The following NLGN4X variants were observed in gnomAD, a reference collection of about 807,000 sequenced individuals.
NLGN4X encodes neuroligin-4, X-linked.
NLGN4X carries 3 observed loss-of-function variants against 40.3 expected under a neutral mutation model. The observed-to-expected ratio is 0.07, with a 90% CI of 0.03 to 0.19. NLGN4X has a LOEUF of 0.19. Ranked by LOEUF, NLGN4X falls within the 10% of genes least tolerant of loss-of-function variation. NLGN4X has a pLI of 1.00. For missense variants in NLGN4X, 382 were observed against 708.3 expected (o/e 0.54, Z 5.23); for synonymous variants, 270 against 306.8 (o/e 0.88, Z 1.25).
At chrX:6,175,901 C>T (rs1013186220) in intron 1 of NLGN4X, among the ~76,000 whole-genome samples, 1 of 110,683 alleles carries the variant, frequency 9.0e-6, no homozygotes, top group Non-Finnish European at 1.9e-5. Context: ...GGTAGATCTT[C>T]ATTCCAAAGG....
intron 3 of NLGN4X, among the ~76,000 whole-genome samples, chrX:6,004,939 G>T (rs1455351600): frequency 5.4e-5 from 6 of 111,416 alleles, no homozygotes; most frequent in African/African-American, 1.6e-4. Context: ...CAAGATGAAG[G>T]ATCAAGATGC....
intron 2 of NLGN4X, among the ~76,000 whole-genome samples, chrX:6,061,089 T>G (rs988889316): frequency 1.8e-5 from 2 of 111,684 alleles, no homozygotes; most frequent in Non-Finnish European, 3.8e-5. Context: ...AGCGAAAACC[T>G]TAAGAGCTAT....
chrX:5,896,908 G>A (rs1263397986), intron 5 of NLGN4X, among the ~76,000 whole-genome samples: 2 of 111,688 alleles, frequency 1.8e-5, no homozygotes, highest in African/African-American at 6.5e-5. Flanking sequence ...CCAGAATTAC[G>A]CTGCAACTCT....
chrX:6,005,850 G>A (rs2036090383), intron 3 of NLGN4X, among the ~76,000 whole-genome samples: 1 of 111,079 alleles, frequency 9.0e-6, no homozygotes, highest in Non-Finnish European at 1.9e-5. Context: ...TTTGTTCTAA[G>A]CCACTGTATG....
chrX:6,183,206 TC>T (rs1248528029), intron 1 of NLGN4X, among the ~76,000 whole-genome samples: 2 of 112,368 alleles, frequency 1.8e-5, no homozygotes, highest in African/African-American at 6.5e-5. Flanking sequence ...AAAACCCAAA[TC>T]ATTTTGAAAT....
chrX:5,917,061 A>G (rs2032834640), intron 3 of NLGN4X, among the ~76,000 whole-genome samples: 1 of 112,514 alleles, frequency 8.9e-6, no homozygotes, highest in Non-Finnish European at 1.9e-5. Context: ...TATTTCCAGA[A>G]TATGCCTTGC....
intron 1 of NLGN4X, among the ~76,000 whole-genome samples, chrX:6,178,833 G>A (rs1014981077): frequency 5.4e-5 from 6 of 111,191 alleles, no homozygotes; most frequent in African/African-American, 2.0e-4. Context: ...GCTGGGCGTG[G>A]CGGCTTATGC....
chrX:6,167,925 C>A lies in NLGN4X; in HGVS notation c.-305-16154G>T, dbSNP rs750066352. On this transcript the variant is annotated intron_variant, in intron 1 of 5. Coordinates refer to ENST00000381095, the MANE Select transcript of NLGN4X (RefSeq NM_181332.3). Reference sequence around the variant, plus strand: ...CCCCACTGTTTTTCTTAAATATGTCCGTGGGAAGATTTCCTTCTCCCTATC... The same window carrying A: ...CCCCACTGTTTTTCTTAAATATGTCAGTGGGAAGATTTCCTTCTCCCTATC... 3.6e-5 allele frequency among the ~76,000 whole-genome samples: 4 copies of A among 111,671 alleles called. No individual in the cohort carries two copies. The East Asian group carries it at 1.1e-3, about 31-fold the overall frequency.
intron 3 of NLGN4X, among the ~76,000 whole-genome samples, chrX:5,914,437 C>T (rs1037997519): frequency 1.8e-5 from 2 of 111,077 alleles, no homozygotes; most frequent in South Asian, 3.8e-4. Context: ...TGTTACATGA[C>T]GTTAAAGCTG....
At chrX:6,013,697 C>A (rs780318028) in intron 3 of NLGN4X, among the ~76,000 whole-genome samples, 6 of 109,466 alleles carry the variant, frequency 5.5e-5, no homozygotes, top group African/African-American at 2.0e-4. Flanking sequence ...CCTCTGTAAA[C>A]AAATATAAAA....
intron 2 of NLGN4X, among the ~76,000 whole-genome samples, chrX:6,103,190 C>T (rs1291583032): frequency 8.9e-6 from 1 of 111,848 alleles, no homozygotes; most frequent in Non-Finnish European, 1.9e-5. Flanking sequence ...ACACTGGTGG[C>T]ACTCATAAAG....
intron 3 of NLGN4X, among the ~76,000 whole-genome samples, chrX:5,918,779 C>G (rs1440939915): frequency 2.7e-5 from 3 of 112,264 alleles, no homozygotes; most frequent in East Asian, 5.6e-4. Context: ...ACTGGGATGT[C>G]TTTTCTAAGC....
chrX:6,151,041 T>C lies in NLGN4X; in HGVS notation c.426A>G (p.Gln142=). ...TGTTTAAGTAAAGGCAGTCTTCATT[T>C]TGATCTTGAACATAGGTCATCAAAG... is the stretch of plus-strand genomic sequence containing the variant. The part of the protein sequence containing the change: ...LDTLMTYVQD[Q]NEDCLYLNIY... Residue 142 remains glutamine (Q), a synonymous_variant, in exon 2 of 6, where the codon CAA becomes CAG. Coordinates refer to ENST00000381095, the MANE Select transcript of NLGN4X (RefSeq NM_181332.3). The C allele has an allele frequency of 8.2e-7, 1 of 1,212,139 alleles. No homozygotes were observed. Among genetic ancestry groups the C allele is most frequent in the Non-Finnish European group, 1.1e-6 (1 of 895,568 alleles).
At chrX:6,227,970 G>C (rs957482897) in intron 1 of NLGN4X, 3 of 83,530 alleles carry the variant, frequency 3.6e-5, no homozygotes, top group African/African-American at 1.0e-4. Flanking sequence ...GGGGGGGGGT[G>C]GGGGGGGAGA....
At chrX:5,939,112 C>A (rs2033829575) in intron 3 of NLGN4X, among the ~76,000 whole-genome samples, 2 of 110,011 alleles carry the variant, frequency 1.8e-5, no homozygotes, top group East Asian at 2.9e-4. Flanking sequence ...GAATGGGAAA[C>A]ATATAGATTG....
At chrX:5,997,566 A>ATATGTG (rs1491158653) in intron 3 of NLGN4X, among the ~76,000 whole-genome samples, 11 of 53,990 alleles carry the variant, frequency 2.0e-4, no homozygotes, top group African/African-American at 7.9e-4. Context: ...ATAAAATTAC[A>ATATGTG]TGTGTGTGTG....
chrX:6,094,024 T>G (rs781615600), intron 2 of NLGN4X, among the ~76,000 whole-genome samples: 2 of 112,082 alleles, frequency 1.8e-5, no homozygotes, highest in Admixed American at 1.9e-4. Context: ...AACCGATGAT[T>G]TGATAGACAA....
At chrX:5,974,680 G>A (rs1469064056) in intron 3 of NLGN4X, among the ~76,000 whole-genome samples, 2 of 111,212 alleles carry the variant, frequency 1.8e-5, no homozygotes, top group Admixed American at 9.6e-5. Flanking sequence ...GGAGTCCTCC[G>A]TTACCCACGG....
intron 2 of NLGN4X, among the ~76,000 whole-genome samples, chrX:6,037,722 T>C (rs2037053153): frequency 9.7e-6 from 1 of 103,022 alleles, no homozygotes; most frequent in Admixed American, 1.1e-4. Context: ...CTAAGTACAT[T>C]ATTTCCACAC....
Sources: allele counts gnomAD v4.1 joint callset (sites outside exome capture counted in the v4.1 genomes callset), GRCh38; gene constraint gnomAD v4.1.1; transcripts MANE v1.5; gene names NCBI Gene and HGNC (gene_info 2026-07-23, HGNC 2026-07-21).